SFI1: variants seen among roughly 807,000 people sequenced by gnomAD.
SFI1 encodes SFI1 centrin binding protein, also known as protein SFI1 homolog.
In SFI1, 195 loss-of-function variants were observed where a neutral mutation model predicts 207.5. The observed-to-expected ratio is 0.94, with a 90% CI of 0.84 to 1.06. The LOEUF (loss-of-function observed/expected upper bound fraction) is 1.06. Ranked by LOEUF, SFI1 falls within the 50% of genes least tolerant of loss-of-function variation. The probability of loss-of-function intolerance (pLI) is 0.00; values close to 1 mark genes in which losing one functional copy is unlikely to be tolerated. For synonymous variants in SFI1, 630 were observed against 598.9 expected, an observed-to-expected ratio of 1.05 and a Z score of -0.76; for missense variants, 1,634 against 1,588.0, an observed-to-expected ratio of 1.03 and a Z score of -0.49.
At chr22:31,614,319 C>T in intron 27 of SFI1, 1 of 362,580 alleles carries the variant, frequency 2.8e-6, no homozygotes, top group Non-Finnish European at 5.4e-6. Flanking sequence ...CTATGGTCTC[C>T]TCAAACCCTA....
At chr22:31,595,238 C>G (rs1022954290) in intron 15 of SFI1, among the ~76,000 whole-genome samples, 2 of 152,134 alleles carry the variant, frequency 1.3e-5, no homozygotes, top group African/African-American at 2.4e-5. Context: ...CCTCGTGATC[C>G]ACCCGCCTTG....
intron 8 of SFI1, among the ~76,000 whole-genome samples, chr22:31,568,196 G>T (rs868460131): frequency 3.8e-5 from 5 of 131,332 alleles, no homozygotes; most frequent in Non-Finnish European, 6.5e-5. Context: ...TGTGTGTGTT[G>T]TGTGTGTGTG....
chr22:31,520,174 TAA>T (rs749141427), intron 2 of SFI1, among the ~76,000 whole-genome samples: 36 of 134,444 alleles, frequency 2.7e-4, no homozygotes, highest in Admixed American at 4.6e-4. Flanking sequence ...ACCACCTGTT[TAA>T]AAAAAAAAAA....
Position 31,618,366 on chromosome 22 carries a change from C to G in SFI1, c.3677C>G (p.Pro1226Arg). 6.2e-7 allele frequency: 1 copy of G among 1,607,818 alleles called. No individual in the cohort carries two copies. The highest frequency in any genetic ancestry group is 1.1e-5 in the South Asian group (1 of 90,810). ...GAGGAGCTCCAGGCTCAGCGCCAGC[C>G]CATTGGCGCCTGCGTTGCCCGCATC... ...LAEELQAQRQPIGACVARIQA... is the reference protein window; with the variant it reads ...LAEELQAQRQRIGACVARIQA... Residue 1226 changes from proline to arginine, a missense_variant, in exon 33 of 33, where the codon CCC becomes CGC. Pro to Arg is a moderately radical substitution (Grantham distance 103, BLOSUM62 -2). Transcript: ENST00000400288.
intron 2 of SFI1, among the ~76,000 whole-genome samples, chr22:31,517,157 A>T (rs2056645886): frequency 1.3e-5 from 2 of 152,012 alleles, no homozygotes; most frequent in South Asian, 4.1e-4. Context: ...AAAAAAATTT[A>T]ACTTAGTAAA....
In SFI1 at chr22:31,557,035, A is replaced by G; in HGVS notation, c.638A>G (p.Glu213Gly). 6.2e-7 allele frequency: 1 copy of G among 1,608,612 alleles called. No individual in the cohort carries two copies. The change falls in exon 7 of 33, where the codon GAG becomes GGG. Residue 213 changes from glutamate (E) to glycine (G), a missense_variant. Physicochemically the swap from Glu to Gly is moderately conservative, Grantham distance 98. Transcript: ENST00000400288. ...CTTCAGATGCAGACTACAGCTCTGG[A>G]GTTTAGGCAACGGATTATCTTACGG... The part of the protein sequence containing the change: ...TKLQMQTTAL[E>G]FRQRIILRVW...
At chr22:31,550,181 G>T in intron 5 of SFI1, 73 bp from the exon 6 acceptor site, 1 of 1,167,460 alleles carries the variant, frequency 8.6e-7, no homozygotes, top group South Asian at 1.3e-5. Flanking sequence ...AAAGTGCTAG[G>T]GTTACAGGTG....
intron 2 of SFI1, among the ~76,000 whole-genome samples, chr22:31,510,286 C>G (rs1027165008): frequency 2.0e-5 from 3 of 151,956 alleles, no homozygotes; most frequent in African/African-American, 7.3e-5. Context: ...TTTCTAACTC[C>G]TGGGCTCAGG....
At chr22:31,536,153 A>G (rs1253671284) in intron 4 of SFI1, among the ~76,000 whole-genome samples, 1 of 151,984 alleles carries the variant, frequency 6.6e-6, no homozygotes, top group African/African-American at 2.4e-5. Flanking sequence ...CTAGAAGGGT[A>G]CCCTGGCAGA....
chr22:31,497,544 C>T (rs1345483459), intron 1 of SFI1, among the ~76,000 whole-genome samples: 1 of 152,154 alleles, frequency 6.6e-6, no homozygotes, highest in Non-Finnish European at 1.5e-5. Flanking sequence ...CCTCTCGGTC[C>T]TCCTTGTAGC....
chr22:31,617,101 C>T (rs761343776), intron 31 of SFI1, 23 bp downstream of exon 31: 1 of 1,610,916 alleles, frequency 6.2e-7, no homozygotes, highest in East Asian at 2.2e-5. Context: ...AAACGCCCTG[C>T]AGCCCTGGCT....
chr22:31,600,697 C>T (rs2067958063), intron 15 of SFI1, among the ~76,000 whole-genome samples: 1 of 152,224 alleles, frequency 6.6e-6, no homozygotes, highest in Admixed American at 6.5e-5. Flanking sequence ...CTTAGCCTCC[C>T]TTCCCCTCAC....
At chr22:31,522,046 T>C (rs1470483115) in intron 2 of SFI1, among the ~76,000 whole-genome samples, 19 of 146,058 alleles carry the variant, frequency 1.3e-4, no homozygotes. Flanking sequence ...ATTACAAGTG[T>C]GAGCCACTAC....
chr22:31,604,743 G>T lies in SFI1; in HGVS notation c.1978-126G>T, dbSNP rs2068680856. 1.7e-5 allele frequency: 14 copies of T among 801,362 alleles called. 1 individual carries two copies. The highest frequency in any genetic ancestry group is 2.6e-5 in the Non-Finnish European group (13 of 509,768). The allele number at this position is 801,362 out of a possible 1,614,324, so 49.6% of individuals were successfully genotyped here. A position where few individuals can be genotyped will look rare whatever the true frequency, so the allele number is the denominator to read the frequency against. On this transcript the variant is annotated intron_variant, in intron 19 of 32. Transcript: ENST00000400288. ...CTGGCCCTGGGACCAGGGGCTGTTG[G>T]CCTCTTCCTACCCTTTTTGAGTTCT...
At chr22:31,503,584 G>GTTT (rs34588094) in intron 1 of SFI1, among the ~76,000 whole-genome samples, 36 of 94,488 alleles carry the variant, frequency 3.8e-4, no homozygotes, top group Non-Finnish European at 5.1e-4. Flanking sequence ...TTCTTGGACT[G>GTTT]TTTTTTTTTT....
At chr22:31,551,933 G>A (rs1037281557) in intron 6 of SFI1, among the ~76,000 whole-genome samples, 7 of 152,158 alleles carry the variant, frequency 4.6e-5, no homozygotes, top group African/African-American at 1.4e-4. Flanking sequence ...TGTTACATGA[G>A]TATACTGCAT....
At chr22:31,590,975 A>ATTATT (rs1556252511) in intron 15 of SFI1, among the ~76,000 whole-genome samples, 14 of 137,248 alleles carry the variant, frequency 1.0e-4, no homozygotes, top group African/African-American at 1.9e-4. Context: ...TTATTTATTT[A>ATTATT]TTTATTTTTT....
chr22:31,510,620 G>C (rs2055354587), intron 2 of SFI1, among the ~76,000 whole-genome samples: 1 of 151,966 alleles, frequency 6.6e-6, no homozygotes, highest in Admixed American at 6.6e-5. Context: ...TTTTATTAGA[G>C]ATGGGGTTTT....
chr22:31,589,496 C>T lies in SFI1; in HGVS notation c.1463C>T (p.Ala488Val). The change falls in exon 15 of 33, where the codon GCT becomes GTT. Residue 488 changes from alanine to valine, a missense_variant. Coordinates refer to ENST00000400288, the MANE Select transcript of SFI1 (RefSeq NM_001007467.3). ...CATTTCCAGCAGAGAGCCCTGCCTG[C>T]TGCCTTCCACACATGGAACAGACTC... ...DGHFQQRALP[A>V]AFHTWNRLWR... The T allele has an allele frequency of 6.2e-7, 1 of 1,614,020 alleles. No individual in the cohort carries two copies. The highest frequency in any genetic ancestry group is 8.5e-7 in the Non-Finnish European group (1 of 1,180,004).
Sources: gnomAD v4.1 joint callset for allele counts (sites outside exome capture counted in the v4.1 genomes callset) on GRCh38, gnomAD v4.1.1 for gene constraint, MANE v1.5 for transcripts, NCBI Gene and HGNC (gene_info 2026-07-23, HGNC 2026-07-21) for gene names.